Variants in SYCP2 observed in about 807,000 individuals in gnomAD.
SYCP2 encodes the protein synaptonemal complex protein 2, also known as synaptonemal complex lateral element protein.
In SYCP2, 55 loss-of-function variants were observed where a neutral mutation model predicts 211.3. The observed-to-expected ratio is 0.26, with a 90% CI of 0.21 to 0.33. SYCP2 has a LOEUF of 0.33. Ranked by LOEUF, SYCP2 falls within the 10% of genes least tolerant of loss-of-function variation. The probability of loss-of-function intolerance (pLI) is 1.00; values close to 1 mark genes in which losing one functional copy is unlikely to be tolerated. For synonymous variants in SYCP2, 570 were observed against 555.2 expected (o/e 1.03, Z -0.37); for missense variants, 1,731 against 1,752.0 (o/e 0.99, Z 0.21).
intron 5 of SYCP2, 39 bp from the exon 6 acceptor site, chr20:59,919,636 T>C (rs1600980166): frequency 7.7e-7 from 1 of 1,295,056 alleles, no homozygotes; most frequent in East Asian, 2.4e-5. Flanking sequence ...TCCATTTTAA[T>C]AATTTTAAGA....
At chr20:59,918,742 A>G (rs2145866496) in intron 7 of SYCP2, among the ~76,000 whole-genome samples, 1 of 152,290 alleles carries the variant, frequency 6.6e-6, no homozygotes, top group East Asian at 1.9e-4. Flanking sequence ...CATTATAGAC[A>G]GGGATTAACA....
At chr20:59,898,251 CAT>C (rs1206145894) in intron 18 of SYCP2, among the ~76,000 whole-genome samples, 1 of 152,176 alleles carries the variant, frequency 6.6e-6, no homozygotes, top group Non-Finnish European at 1.5e-5. Context: ...ATCATTCTAA[CAT>C]AAAGACACAT....
At chr20:59,885,335 C>A (rs1251911569) in intron 26 of SYCP2, among the ~76,000 whole-genome samples, 1 of 151,942 alleles carries the variant, frequency 6.6e-6, no homozygotes, top group African/African-American at 2.4e-5. Context: ...CAGAGAAATG[C>A]TAGAGGCAAA....
In SYCP2 at chr20:59,881,423, A is replaced by C. The variant is rs184200648; in HGVS notation, c.2714+14T>G. ...AAAAAGATCAGAATATTTTAATCTA[A>C]TAAAAATACCTACAATCTAATTGAC... is the stretch of plus-strand genomic sequence containing the variant. On this transcript the variant is annotated intron_variant, in intron 29 of 44. Transcript: ENST00000357552. The C allele has an allele frequency of 7.0e-7, 1 of 1,418,642 alleles. No individual in the cohort carries two copies. The highest frequency in any genetic ancestry group is 9.7e-7 in the Non-Finnish European group (1 of 1,034,216). The allele number at this position is 1,418,642 out of a possible 1,614,324, so 87.9% of individuals were successfully genotyped here.
intron 10 of SYCP2, 123 bp downstream of exon 10, chr20:59,915,042 A>G: frequency 1.5e-6 from 1 of 653,470 alleles, no homozygotes; most frequent in Non-Finnish European, 2.6e-6. Context: ...AAAATTGCTT[A>G]ATTGTACATA....
intron 2 of SYCP2, among the ~76,000 whole-genome samples, chr20:59,926,549 TTAAATAA>T (rs1487341370): frequency 1.3e-5 from 2 of 152,086 alleles, no homozygotes; most frequent in African/African-American, 4.8e-5. Flanking sequence ...CCCTAATAAC[TTAAATAA>T]TAAGTTAATA....
At position 59,892,210 on chromosome 20, in the gene SYCP2, T is replaced by C. The variant is rs781277183; in HGVS notation, c.2144A>G (p.Asp715Gly). 9 of 1,612,218 alleles carry C rather than the reference T, an allele frequency of 5.6e-6. No individual in the cohort carries two copies. The highest frequency in any genetic ancestry group is 4.4e-5 in the South Asian group (4 of 90,984). ...QKNTENAKQS[D>G]WPVESETTFK... ...AGTAGTTTCAGATTCAACAGGCCAA[T>C]CACTCTGCTTGGCATTTTCAGTATT... The change falls in exon 24 of 45, where the codon GAT becomes GGT. Residue 715 changes from aspartate to glycine, a missense_variant. Coordinates refer to ENST00000357552, the MANE Select transcript of SYCP2 (RefSeq NM_014258.4).
intron 12 of SYCP2, among the ~76,000 whole-genome samples, chr20:59,912,833 C>G (rs2145838974): frequency 6.6e-6 from 1 of 152,312 alleles, no homozygotes; most frequent in Non-Finnish European, 1.5e-5. Flanking sequence ...CTCACGAGAT[C>G]TGATGGTTTT....
At position 59,888,761 on chromosome 20, in the gene SYCP2, A is replaced by C. The variant is rs1488422093; in HGVS notation, c.2365-1927T>G. Among the ~76,000 whole-genome samples, 3 of 152,214 alleles carry C rather than the reference A, an allele frequency of 2.0e-5. No individual in the cohort carries two copies. In the East Asian group the frequency reaches 5.8e-4, roughly 29 times the overall value. ...AGAAAATCTCAAAGAATTAGCAACAAAACTACTGGAAGTAATAAGCAATTG... is the reference window on the plus strand; with the variant it reads ...AGAAAATCTCAAAGAATTAGCAACACAACTACTGGAAGTAATAAGCAATTG... On this transcript the variant is annotated intron_variant, in intron 24 of 44. Transcript: ENST00000357552.
Position 59,866,324 on chromosome 20 carries a change from T to G in SYCP2, c.4289A>C (p.Gln1430Pro). The G allele has an allele frequency of 6.3e-7, 1 of 1,596,074 alleles. No individual in the cohort carries two copies. ...EELENFEKDS[Q>P]SLKDLEKEFV... Reference sequence around the variant, plus strand: ...TTCCTTTTCCAAATCTTTTAAAGACTGTGAATCTTTTTCAAAATTCTCCAG... The same window carrying G: ...TTCCTTTTCCAAATCTTTTAAAGACGGTGAATCTTTTTCAAAATTCTCCAG... Residue 1430 changes from glutamine (Q) to proline (P), a missense_variant, in exon 41 of 45, where the codon CAG (glutamine) becomes CCG (proline). By Grantham distance (76) the Gln-to-Pro change is moderately conservative (BLOSUM62 -1). Coordinates refer to ENST00000357552, the MANE Select transcript of SYCP2 (RefSeq NM_014258.4).
At chr20:59,910,345 T>C (rs1318976175) in intron 14 of SYCP2, among the ~76,000 whole-genome samples, 2 of 151,092 alleles carry the variant, frequency 1.3e-5, no homozygotes, top group Non-Finnish European at 2.9e-5. Flanking sequence ...ACTTTCCCTA[T>C]CATGTATACT....
intron 2 of SYCP2, among the ~76,000 whole-genome samples, chr20:59,928,680 T>C (rs926046177): frequency 5.9e-5 from 9 of 152,106 alleles, no homozygotes; most frequent in Admixed American, 5.9e-4. Context: ...ATATTGGAAG[T>C]TCATATTTGA....
intron 14 of SYCP2, among the ~76,000 whole-genome samples, chr20:59,910,418 T>C (rs1397992942): frequency 2.9e-5 from 4 of 137,818 alleles, no homozygotes; most frequent in Non-Finnish European, 4.6e-5. Flanking sequence ...TCTCCCACTG[T>C]CGCCCAGGCT....
intron 6 of SYCP2, 26 bp downstream of exon 6, chr20:59,919,467 A>G: frequency 7.1e-7 from 1 of 1,418,248 alleles, no homozygotes; most frequent in African/African-American, 1.4e-5. Context: ...CTTTATAAAT[A>G]TCAGTGTAAT....
intron 32 of SYCP2, 37 bp from the exon 33 acceptor site, chr20:59,877,592 T>G (rs773438614): frequency 5.2e-6 from 8 of 1,534,266 alleles, no homozygotes; most frequent in Non-Finnish European, 7.0e-6. Context: ...AGATCAATAT[T>G]TGAGGTACAA....
chr20:59,923,661 C>G (rs1241837230), intron 2 of SYCP2, among the ~76,000 whole-genome samples: 1 of 151,710 alleles, frequency 6.6e-6, no homozygotes, highest in African/African-American at 2.4e-5. Flanking sequence ...ATGACTACAA[C>G]ACTGTACTCT....
At chr20:59,916,426 G>A (rs2060444014) in intron 8 of SYCP2, 60 bp downstream of exon 8, 3 of 925,432 alleles carry the variant, frequency 3.2e-6, no homozygotes, top group South Asian at 2.8e-5. Flanking sequence ...CAATTTAATT[G>A]CTATTGATTT....
In SYCP2 at chr20:59,901,793, G is replaced by T; in HGVS notation, c.1051C>A (p.Leu351Ile). 6.3e-7 allele frequency: 1 copy of T among 1,595,980 alleles called. No individual in the cohort carries two copies. The highest frequency in any genetic ancestry group is 2.3e-5 in the East Asian group (1 of 44,432). Residue 351 changes from leucine (L) to isoleucine (I), a missense_variant, in exon 16 of 45, where the codon CTA becomes ATA. This residue lies in a region of SYCP2 where 1,387 missense variants were observed against 1,351.3 expected (regional missense o/e 1.03). Transcript: ENST00000357552. ...YSIEVRESKK[L>I]LTIILKNTVK... Reference sequence around the variant, plus strand: ...GTATTTTTCAGAATTATTGTCAGTAGCTTCTTTGATTCTCTCACTGTATAG... The same window carrying T: ...GTATTTTTCAGAATTATTGTCAGTATCTTCTTTGATTCTCTCACTGTATAG...
Position 59,867,746 on chromosome 20 carries a change from CGTAA to C in SYCP2, c.4086_4089del (p.Tyr1363ArgfsTer18), listed in dbSNP as rs2059379246. The C allele has an allele frequency of 6.2e-7, 1 of 1,609,368 alleles. No homozygotes were observed. The highest frequency in any genetic ancestry group is 8.5e-7 in the Non-Finnish European group (1 of 1,177,054). ...CTCTTAAATTCTGAATTGAGCCTCTCGTAAGTCTCATAAGTCATCTCTATCCCTG... is the reference window on the plus strand; with the variant it reads ...CTCTTAAATTCTGAATTGAGCCTCTCGTCTCATAAGTCATCTCTATCCCTG... On this transcript the variant is annotated frameshift_variant, in exon 39 of 45. Coordinates refer to ENST00000357552, the MANE Select transcript of SYCP2 (RefSeq NM_014258.4). LOFTEE classifies it high-confidence loss of function.
Sources: allele counts gnomAD v4.1 joint callset (sites outside exome capture counted in the v4.1 genomes callset), GRCh38; gene constraint gnomAD v4.1.1; regional missense constraint gnomAD v4.1.1; transcripts MANE v1.5; gene names NCBI Gene and HGNC (gene_info 2026-07-23, HGNC 2026-07-21).